CLIP4: variants seen among roughly 807,000 people sequenced by gnomAD.
CLIP4 encodes CAP-Gly domain containing linker protein family member 4.
A neutral mutation model predicts 73.1 loss-of-function variants in CLIP4; 47 were observed. The ratio of observed to expected loss-of-function variants is 0.64; its 90% CI spans 0.51 to 0.82. CLIP4 has a LOEUF of 0.82. Ranked by LOEUF, CLIP4 falls within the 40% of genes least tolerant of loss-of-function variation. CLIP4 has a pLI of 0.00. For missense variants in CLIP4, 874 were observed against 852.9 expected (o/e 1.02, Z -0.31); for synonymous variants, 306 against 295.4 (o/e 1.04, Z -0.37).
At chr2:29,103,149 T>C (rs1668100392) in intron 1 of CLIP4, among the ~76,000 whole-genome samples, 1 of 152,206 alleles carries the variant, frequency 6.6e-6, no homozygotes, top group Admixed American at 6.5e-5. Flanking sequence ...ACCTTCTCTA[T>C]ACAGGGTTGC....
At chr2:29,152,658 A>G (rs1261572900) in intron 8 of CLIP4, 27 bp from the exon 9 acceptor site, 2 of 1,604,998 alleles carry the variant, frequency 1.2e-6, no homozygotes, top group Non-Finnish European at 1.7e-6. Context: ...TAATTGTTTA[A>G]CACTAAAATT....
chr2:29,133,627 G>A (rs995754321), intron 4 of CLIP4, 28 bp from the exon 5 acceptor site: 6 of 1,582,608 alleles, frequency 3.8e-6, no homozygotes, highest in Non-Finnish European at 5.1e-6. Flanking sequence ...TTGTACTAAA[G>A]GAAAGTAATT....
upstream of CLIP4, among the ~76,000 whole-genome samples, chr2:29,113,754 A>G (rs999868655): frequency 6.6e-6 from 1 of 152,242 alleles, no homozygotes; most frequent in African/African-American, 2.4e-5. The surrounding 1 kb of genome is among the most constrained non-coding windows in gnomAD (Gnocchi z 4.0). Flanking sequence ...ATCAGCAATA[A>G]AAGTGAACTG....
Position 29,132,180 on chromosome 2 carries a change from A to G in CLIP4, c.302A>G (p.Asp101Gly), listed in dbSNP as rs1665019316. Residue 101 changes from aspartate (D) to glycine (G), a missense_variant, in exon 4 of 16, where the codon GAT becomes GGT. Transcript: ENST00000320081. ...CTTAAGAGAGGTTGCAATGTGAATG[A>G]TAGAGATGGATTGACAGATATGACT... ...EILKRGCNVN[D>G]RDGLTDMTLL... 6.2e-6 allele frequency: 10 copies of G among 1,613,680 alleles called. No homozygotes were observed. The highest frequency in any genetic ancestry group is 8.5e-6 in the Non-Finnish European group (10 of 1,179,792).
intron 13 of CLIP4, among the ~76,000 whole-genome samples, chr2:29,166,955 A>G (rs946939729): frequency 6.6e-6 from 1 of 152,222 alleles, no homozygotes; most frequent in Non-Finnish European, 1.5e-5. Flanking sequence ...TGATTTGAAT[A>G]TCAAAAAATG....
At chr2:29,130,874 A>C in intron 2 of CLIP4, 1 of 1,290,574 alleles carries the variant, frequency 7.7e-7, no homozygotes, top group Non-Finnish European at 1.0e-6. Context: ...TGCTGTTACA[A>C]TCTGAGCTCA....
At chr2:29,123,111 C>T (rs1469325719) in intron 2 of CLIP4, among the ~76,000 whole-genome samples, 1 of 152,208 alleles carries the variant, frequency 6.6e-6, no homozygotes. Context: ...ATACATGGCA[C>T]AAATTCCTTT....
chr2:29,100,311 A>C (rs1668003485), intron 1 of CLIP4, among the ~76,000 whole-genome samples: 1 of 152,140 alleles, frequency 6.6e-6, no homozygotes, highest in Non-Finnish European at 1.5e-5. Context: ...GTCTCTTGAA[A>C]GAGAAAATAC....
intron 15 of CLIP4, among the ~76,000 whole-genome samples, chr2:29,179,993 T>C (rs1668555631): frequency 6.6e-6 from 1 of 152,218 alleles, no homozygotes; most frequent in Non-Finnish European, 1.5e-5. Context: ...ATAGAGTGGT[T>C]AATAGGAACA....
rs201068904 is a variant in CLIP4, at chr2:29,163,939, C to A, written c.1643C>A (p.Pro548Gln). Residue 548 changes from proline (P) to glutamine (Q), a missense_variant, in exon 13 of 16, where the codon CCA becomes CAA. Transcript: ENST00000320081. ...CCAAGATATGGAATATTTGCTCCCC[C>A]ATCCAGGGTGCAAAGGTGAGAGAAT... The part of the protein sequence containing the change: ...CSPRYGIFAP[P>Q]SRVQRVTDSL... 2 of 1,612,806 alleles carry A rather than the reference C, an allele frequency of 1.2e-6. No homozygotes were observed. The highest frequency in any genetic ancestry group is 2.2e-5 in the East Asian group (1 of 44,864).
intron 2 of CLIP4, among the ~76,000 whole-genome samples, chr2:29,124,761 A>G (rs1233510273): frequency 2.0e-5 from 3 of 152,030 alleles, no homozygotes; most frequent in Non-Finnish European, 2.9e-5. Context: ...TGAAGTTTTC[A>G]TCTCTAAAGT....
intron 9 of CLIP4, among the ~76,000 whole-genome samples, chr2:29,154,411 G>C (rs775492239): frequency 3.3e-5 from 5 of 152,136 alleles, no homozygotes; most frequent in Non-Finnish European, 7.3e-5. Flanking sequence ...CTGTGAATGG[G>C]CAGGCACCCG....
At chr2:29,151,515 C>T (rs1373595912) in intron 8 of CLIP4, among the ~76,000 whole-genome samples, 3 of 127,996 alleles carry the variant, frequency 2.3e-5, no homozygotes, top group Admixed American at 2.2e-4. Flanking sequence ...GAAGAGAGAA[C>T]ATTGTAAATA....
chr2:29,145,219 A>G lies in CLIP4; in HGVS notation c.886-13A>G, dbSNP rs772137138. 1.2e-6 allele frequency: 2 copies of G among 1,609,036 alleles called. No homozygotes were observed. The highest frequency in any genetic ancestry group is 3.4e-5 in the Admixed American group (2 of 59,350). On this transcript the variant is annotated splice_polypyrimidine_tract_variant and intron_variant, in intron 7 of 15. Coordinates refer to ENST00000320081, the MANE Select transcript of CLIP4 (RefSeq NM_024692.6). ...TAATTCCCCAAAATTATTCTGGTTT[A>G]TATTTTCTTTAGGTTGGTACATTAA... is the stretch of plus-strand genomic sequence containing the variant.
At chr2:29,174,347 C>G (rs763378844) in intron 14 of CLIP4, 26 bp from the exon 15 acceptor site, 1 of 1,578,986 alleles carries the variant, frequency 6.3e-7, no homozygotes, top group Non-Finnish European at 8.6e-7. Context: ...TATTTTTCCT[C>G]TGCTAACCCC....
intron 9 of CLIP4, among the ~76,000 whole-genome samples, chr2:29,153,036 T>C (rs3100239): frequency 0.45 from 68,648 of 151,942 alleles, 16,530 homozygotes; most frequent in Non-Finnish European, 0.55. Flanking sequence ...TCCTTTTTTC[T>C]CTTTACTGTC....
At chr2:29,143,589 T>C (rs1665935088) in intron 6 of CLIP4, 120 bp from the exon 7 acceptor site, 2 of 721,110 alleles carry the variant, frequency 2.8e-6, no homozygotes, top group Non-Finnish European at 4.8e-6. Flanking sequence ...GTTCAGGAAA[T>C]GTTTTTGAAT....
intron 9 of CLIP4, among the ~76,000 whole-genome samples, chr2:29,155,528 A>G (rs1426865419): frequency 2.0e-5 from 3 of 152,198 alleles, no homozygotes; most frequent in Non-Finnish European, 4.4e-5. Context: ...TTTGCAAAAC[A>G]TTACCTTTGG....
intron 1 of CLIP4, among the ~76,000 whole-genome samples, chr2:29,100,844 TC>T (rs150301965): frequency 0.039 from 5,973 of 151,864 alleles, 334 homozygotes; most frequent in African/African-American, 0.12. Context: ...CAGGACAGGG[TC>T]CATTGTATTA....
Sources: allele counts gnomAD v4.1 joint callset (sites outside exome capture counted in the v4.1 genomes callset), GRCh38; gene constraint gnomAD v4.1.1; non-coding constraint Gnocchi (gnomAD v3.1); transcripts MANE v1.5; gene names NCBI Gene and HGNC (gene_info 2026-07-23, HGNC 2026-07-21).